The following NCALD variants were observed in gnomAD, a reference collection of about 807,000 sequenced individuals.
NCALD encodes the protein neurocalcin-delta.
Under a neutral mutation model 18.6 loss-of-function variants are expected in NCALD, and 10 were observed. The observed-to-expected ratio is 0.54, with a 90% CI of 0.33 to 0.91. The LOEUF (loss-of-function observed/expected upper bound fraction) is 0.91, where lower values mean the gene tolerates loss of function less well. Among genes scored for constraint, NCALD ranks in the 40% least tolerant of loss-of-function variants. The pLI is 0.03. For synonymous variants in NCALD, 88 were observed against 87.4 expected, an observed-to-expected ratio of 1.01 and a Z score of -0.04; for missense variants, 184 against 247.6, an observed-to-expected ratio of 0.74 and a Z score of 1.72.
At chr8:101,690,155 G>T in intron 3 of NCALD, 2 of 835,206 alleles carry the variant, frequency 2.4e-6, no homozygotes, top group Non-Finnish European at 2.8e-6. Flanking sequence ...TCTGGAGCAC[G>T]TACAGAATTC....
chr8:101,963,970 C>T (rs1819930301), intron 2 of NCALD, among the ~76,000 whole-genome samples: 1 of 152,166 alleles, frequency 6.6e-6, no homozygotes, highest in South Asian at 2.1e-4. Flanking sequence ...CTTAATGGAA[C>T]TTCATGTCCT....
chr8:102,024,190 T>A (rs1563551521), intron 1 of NCALD, among the ~76,000 whole-genome samples: 1 of 152,150 alleles, frequency 6.6e-6, no homozygotes, highest in Non-Finnish European at 1.5e-5. Context: ...ACCCACAATA[T>A]AAACATACCA....
intron 4 of NCALD, among the ~76,000 whole-genome samples, chr8:101,803,982 C>T (rs992195834): frequency 1.3e-5 from 2 of 152,080 alleles, no homozygotes; most frequent in Non-Finnish European, 2.9e-5. Flanking sequence ...TGGTAAACTT[C>T]ACTGTTGTCT....
chr8:101,749,440 CAAG>C, intron 1 of NCALD, among the ~76,000 whole-genome samples: 1 of 152,178 alleles, frequency 6.6e-6, no homozygotes, highest in Non-Finnish European at 1.5e-5. Context: ...CCCAGTCTGA[CAAG>C]AAGACTATTA....
At chr8:101,962,450 T>G (rs1046101659) in intron 2 of NCALD, among the ~76,000 whole-genome samples, 4 of 152,234 alleles carry the variant, frequency 2.6e-5, no homozygotes, top group African/African-American at 9.6e-5. Flanking sequence ...ATGCAGCACC[T>G]AGCTTCAGTC....
intron 1 of NCALD, among the ~76,000 whole-genome samples, chr8:102,102,534 A>C (rs907300107): frequency 2.6e-5 from 4 of 152,112 alleles, no homozygotes; most frequent in Non-Finnish European, 4.4e-5. Flanking sequence ...GAGGTATCTG[A>C]GGCTCAGTTA....
At chr8:102,027,162 T>C (rs541738860) in intron 1 of NCALD, among the ~76,000 whole-genome samples, 4 of 152,188 alleles carry the variant, frequency 2.6e-5, no homozygotes, top group Admixed American at 6.5e-5. Context: ...CATTTCCCCA[T>C]TGTCTTGGTG....
intron 4 of NCALD, among the ~76,000 whole-genome samples, chr8:101,879,119 G>A (rs577928844): frequency 2.0e-5 from 3 of 152,294 alleles, no homozygotes; most frequent in East Asian, 3.9e-4. Flanking sequence ...GGTATAGAAT[G>A]GTTTGGAGAC....
At chr8:101,848,127 G>T (rs1814943097) in intron 4 of NCALD, among the ~76,000 whole-genome samples, 2 of 152,044 alleles carry the variant, frequency 1.3e-5, no homozygotes, top group South Asian at 4.1e-4. Context: ...TTCAAGCCAT[G>T]GAGCCCCTAT....
chr8:102,066,495 C>A (rs369546178), intron 1 of NCALD, among the ~76,000 whole-genome samples: 1 of 152,196 alleles, frequency 6.6e-6, no homozygotes, highest in East Asian at 1.9e-4. Flanking sequence ...ACACGAAGAA[C>A]AAGATGATTG....
chr8:101,698,826 C>A (rs2130093370), intron 2 of NCALD, among the ~76,000 whole-genome samples: 1 of 152,104 alleles, frequency 6.6e-6, no homozygotes, highest in East Asian at 1.9e-4. Flanking sequence ...CCATAAAAAC[C>A]CTAGAAGAAA....
chr8:101,841,116 T>C (rs1814626374), intron 4 of NCALD, among the ~76,000 whole-genome samples: 2 of 152,162 alleles, frequency 1.3e-5, no homozygotes, highest in South Asian at 2.1e-4. Flanking sequence ...TCAAATTTAT[T>C]TCCAAATAAT....
At chr8:101,772,884 C>T (rs756966000) in intron 1 of NCALD, among the ~76,000 whole-genome samples, 2 of 152,124 alleles carry the variant, frequency 1.3e-5, no homozygotes, top group African/African-American at 4.8e-5. Flanking sequence ...TGGTCCATCC[C>T]CATTTTAATA....
At chr8:101,697,953 A>G (rs1271371798) in intron 2 of NCALD, among the ~76,000 whole-genome samples, 1 of 152,242 alleles carries the variant, frequency 6.6e-6, no homozygotes, top group Non-Finnish European at 1.5e-5. Flanking sequence ...ATCAGGCAAG[A>G]GAAAGAAATA....
intron 4 of NCALD, among the ~76,000 whole-genome samples, chr8:101,821,969 A>G (rs1813741601): frequency 6.6e-6 from 1 of 151,544 alleles, no homozygotes; most frequent in Non-Finnish European, 1.5e-5. Context: ...TGTTAGACAG[A>G]GGTCTCCTGG....
At chr8:101,840,705 G>C (rs1181693375) in intron 4 of NCALD, among the ~76,000 whole-genome samples, 1 of 152,184 alleles carries the variant, frequency 6.6e-6, no homozygotes, top group Non-Finnish European at 1.5e-5. Flanking sequence ...AGCCACCTTT[G>C]TAGATATGTG....
intron 4 of NCALD, among the ~76,000 whole-genome samples, chr8:101,801,381 A>T (rs1192234665): frequency 6.6e-6 from 1 of 152,134 alleles, no homozygotes; most frequent in African/African-American, 2.4e-5. Context: ...ATATTTGAAA[A>T]ACGGTGACCT....
chr8:101,731,838 G>A (rs1227065482), intron 1 of NCALD, among the ~76,000 whole-genome samples: 2 of 152,100 alleles, frequency 1.3e-5, no homozygotes, highest in East Asian at 3.9e-4. Flanking sequence ...ATGCTTAAAG[G>A]GCCCATGAGA....
chr8:101,922,312 A>T (rs1293714151), intron 2 of NCALD, among the ~76,000 whole-genome samples: 19 of 152,186 alleles, frequency 1.2e-4, no homozygotes, highest in Non-Finnish European at 1.5e-5. Context: ...CCCATTAAAT[A>T]CCAAGCTACT....
Sources: gnomAD v4.1 joint callset for allele counts (sites outside exome capture counted in the v4.1 genomes callset) on GRCh38, gnomAD v4.1.1 for gene constraint, MANE v1.5 for transcripts, NCBI Gene and HGNC (gene_info 2026-07-23, HGNC 2026-07-21) for gene names.